The following FBN2 variants were observed in gnomAD, a reference collection of about 807,000 sequenced individuals.
The protein encoded by FBN2 is fibrillin 2.
A neutral mutation model predicts 355.6 loss-of-function variants in FBN2; 105 were observed. The ratio of observed to expected loss-of-function variants is 0.30; its 90% CI spans 0.25 to 0.35. FBN2 has a LOEUF of 0.35. FBN2 is among the 10% of genes least tolerant of loss of function. FBN2 has a pLI of 1.00. For synonymous variants in FBN2, 1,350 were observed against 1,301.2 expected (o/e 1.04, Z -0.81); for missense variants, 3,280 against 3,758.7 (o/e 0.87, Z 3.33).
chr5:128,521,675 C>T (rs1756437388), intron 4 of FBN2, among the ~76,000 whole-genome samples: 1 of 152,210 alleles, frequency 6.6e-6, no homozygotes, highest in African/African-American at 2.4e-5. Context: ...ATTACAGTCA[C>T]TTTCCCATGT....
chr5:128,467,589 G>T (rs1173485097), intron 5 of FBN2, among the ~76,000 whole-genome samples: 1 of 152,082 alleles, frequency 6.6e-6, no homozygotes, highest in Non-Finnish European at 1.5e-5. Context: ...GATTGGCCAT[G>T]CATTCTCTTC....
At chr5:128,310,268 G>C (rs892410745) in intron 39 of FBN2, among the ~76,000 whole-genome samples, 160 bp from the exon 40 acceptor site, 49 of 148,868 alleles carry the variant, frequency 3.3e-4, no homozygotes, top group African/African-American at 1.2e-3. Flanking sequence ...ATATAACACA[G>C]ATACATCTTT....
chr5:128,366,304 A>G, intron 17 of FBN2, 73 bp downstream of exon 17: 1 of 736,422 alleles, frequency 1.4e-6, no homozygotes, highest in Non-Finnish European at 2.3e-6. Context: ...ATATACTCAT[A>G]TTAATATTAG....
At chr5:128,304,025 C>G (rs943672439) in intron 45 of FBN2, among the ~76,000 whole-genome samples, 3 of 152,100 alleles carry the variant, frequency 2.0e-5, no homozygotes, top group Admixed American at 6.5e-5. Flanking sequence ...ATGGATGAAC[C>G]TGGAGACATA....
intron 5 of FBN2, among the ~76,000 whole-genome samples, chr5:128,516,099 C>T (rs1459889871): frequency 6.6e-6 from 1 of 152,186 alleles, no homozygotes; most frequent in East Asian, 1.9e-4. Flanking sequence ...AGAAATTCCT[C>T]AGGTAAATCT....
intron 5 of FBN2, among the ~76,000 whole-genome samples, chr5:128,476,245 A>C (rs1227325439): frequency 6.6e-6 from 1 of 152,208 alleles, no homozygotes; most frequent in East Asian, 1.9e-4. Context: ...AAACCACAAA[A>C]TATAATGCTT....
chr5:128,475,218 T>C (rs1424902719), intron 5 of FBN2, among the ~76,000 whole-genome samples: 3 of 152,150 alleles, frequency 2.0e-5, no homozygotes, highest in African/African-American at 7.2e-5. Flanking sequence ...CCTAGTACTG[T>C]GTTACCTGCT....
At chr5:128,445,579 G>T (rs1234811870) in intron 7 of FBN2, among the ~76,000 whole-genome samples, 1 of 152,098 alleles carries the variant, frequency 6.6e-6, no homozygotes, top group Non-Finnish European at 1.5e-5. Context: ...CTTTTGGAAA[G>T]AGAAAGAGCA....
chr5:128,286,672 G>A, intron 55 of FBN2, 46 bp downstream of exon 55: 1 of 1,610,534 alleles, frequency 6.2e-7, no homozygotes, highest in Non-Finnish European at 8.5e-7. Flanking sequence ...TAATGAGGCT[G>A]GGAGTGGAGG....
chr5:128,274,810 C>T (rs1317478596), intron 59 of FBN2, 127 bp from the exon 60 acceptor site: 8 of 725,360 alleles, frequency 1.1e-5, no homozygotes, highest in South Asian at 6.0e-5. Flanking sequence ...CTGGAAGCTT[C>T]GTAGATTTCC....
intron 7 of FBN2, among the ~76,000 whole-genome samples, chr5:128,412,361 G>C (rs1025480725): frequency 6.6e-6 from 1 of 152,226 alleles, no homozygotes; most frequent in Non-Finnish European, 1.5e-5. Flanking sequence ...TAGTGGAAGA[G>C]AGTGTCTTTT....
intron 12 of FBN2, among the ~76,000 whole-genome samples, chr5:128,378,400 G>A (rs945484232): frequency 1.3e-5 from 2 of 152,146 alleles, no homozygotes; most frequent in Non-Finnish European, 2.9e-5. Context: ...CACTGAAGCT[G>A]TGAATAAAGA....
chr5:128,391,887 A>T (rs1752521193), intron 11 of FBN2, 131 bp downstream of exon 11: 2 of 807,580 alleles, frequency 2.5e-6, no homozygotes, highest in South Asian at 3.1e-5. Context: ...TAGCATACAC[A>T]CAGAAGAGAC....
Position 128,369,339 on chromosome 5 carries a change from A to G in FBN2, c.2096-5T>C. ...AGGTACTGCGCATGTGAGTATCTAA[A>G]GGAGATACAAAAACAATGACTTGAG... is the stretch of plus-strand genomic sequence containing the variant. On this transcript the variant is annotated splice_polypyrimidine_tract_variant and splice_region_variant and intron_variant, in intron 15 of 64. Coordinates refer to ENST00000262464, the MANE Select transcript of FBN2 (RefSeq NM_001999.4). 1 of 1,613,930 alleles carries G rather than the reference A, an allele frequency of 6.2e-7. No homozygotes were observed. Among genetic ancestry groups the G allele is most frequent in the Non-Finnish European group, 8.5e-7 (1 of 1,179,880 alleles).
At chr5:128,368,326 A>T (rs1235974516) in intron 16 of FBN2, among the ~76,000 whole-genome samples, 1 of 151,384 alleles carries the variant, frequency 6.6e-6, no homozygotes, top group Non-Finnish European at 1.5e-5. Context: ...TTGACCTAAG[A>T]GTTTGGAACT....
intron 20 of FBN2, among the ~76,000 whole-genome samples, chr5:128,351,618 G>A (rs1309126104): frequency 1.3e-5 from 2 of 151,610 alleles, no homozygotes; most frequent in Non-Finnish European, 2.9e-5. Context: ...ATTCAAATAT[G>A]GTATATTACA....
At chr5:128,268,239 T>C (rs1765168675) in intron 62 of FBN2, among the ~76,000 whole-genome samples, 1 of 152,124 alleles carries the variant, frequency 6.6e-6, no homozygotes, top group Admixed American at 6.5e-5. Flanking sequence ...GAGAATACTA[T>C]AAACATCTCT....
At chr5:128,454,728 G>C (rs1035080274) in intron 6 of FBN2, among the ~76,000 whole-genome samples, 1 of 152,156 alleles carries the variant, frequency 6.6e-6, no homozygotes, top group African/African-American at 2.4e-5. Flanking sequence ...ACCAGCATTT[G>C]TTTTGCAGAA....
chr5:128,324,035 G>A (rs1350662897), intron 34 of FBN2, among the ~76,000 whole-genome samples: 1 of 152,152 alleles, frequency 6.6e-6, no homozygotes, highest in Non-Finnish European at 1.5e-5. Flanking sequence ...TATGTGTCCA[G>A]GAATTTATCC....
Sources: gnomAD v4.1 joint callset for allele counts (sites outside exome capture counted in the v4.1 genomes callset) on GRCh38, gnomAD v4.1.1 for gene constraint, MANE v1.5 for transcripts, NCBI Gene and HGNC (gene_info 2026-07-23, HGNC 2026-07-21) for gene names.